The following CYB5R4 variants were observed in gnomAD, a reference collection of about 807,000 sequenced individuals.
CYB5R4 encodes N-terminal cytochrome b5 and cytochrome b5 oxidoreductase domain-containing protein.
Under a neutral mutation model 70.2 loss-of-function variants are expected in CYB5R4, and 55 were observed. That is an observed-to-expected ratio of 0.78 (90% CI 0.63 to 0.98). The LOEUF (loss-of-function observed/expected upper bound fraction) is 0.98, where lower values mean the gene tolerates loss of function less well. Ranked by LOEUF, CYB5R4 falls within the 50% of genes least tolerant of loss-of-function variation. The pLI, the probability that CYB5R4 is intolerant of heterozygous loss-of-function variation, is 0.00. For synonymous variants in CYB5R4, 197 were observed against 199.5 expected, an observed-to-expected ratio of 0.99 and a Z score of 0.11; for missense variants, 562 against 612.6, an observed-to-expected ratio of 0.92 and a Z score of 0.87.
chr6:83,898,645 A>G (rs2099462337), intron 3 of CYB5R4, among the ~76,000 whole-genome samples: 1 of 152,168 alleles, frequency 6.6e-6, no homozygotes, highest in African/African-American at 2.4e-5. Flanking sequence ...TGCGTTGAGC[A>G]GTGGTTTGTA....
chr6:83,944,065 A>G (rs753171584), intron 14 of CYB5R4, among the ~76,000 whole-genome samples: 7 of 152,188 alleles, frequency 4.6e-5, no homozygotes, highest in Non-Finnish European at 8.8e-5. Flanking sequence ...GCCAACATTC[A>G]ACTTCAGGAA....
At chr6:83,900,565 G>A (rs866165556) in intron 3 of CYB5R4, among the ~76,000 whole-genome samples, 2 of 151,724 alleles carry the variant, frequency 1.3e-5, no homozygotes, top group Middle Eastern at 3.4e-3. Context: ...TTGACAGTAG[G>A]GTGTTAAAGT....
At chr6:83,872,097 ACT>A (rs1307067035) in intron 2 of CYB5R4, among the ~76,000 whole-genome samples, 3 of 151,692 alleles carry the variant, frequency 2.0e-5, no homozygotes, top group Non-Finnish European at 4.4e-5. Context: ...GTCTGCAGTA[ACT>A]CTCATTATAT....
chr6:83,879,649 A>G (rs1476831329), intron 2 of CYB5R4, among the ~76,000 whole-genome samples: 1 of 151,960 alleles, frequency 6.6e-6, no homozygotes, highest in Non-Finnish European at 1.5e-5. Flanking sequence ...CTCTTGCACT[A>G]CCCTCTAATC....
intron 2 of CYB5R4, among the ~76,000 whole-genome samples, chr6:83,883,213 A>G (rs948911929): frequency 1.3e-5 from 2 of 152,184 alleles, no homozygotes; most frequent in Admixed American, 1.3e-4. Flanking sequence ...AATAAAATGA[A>G]CAGGGACTCA....
chr6:83,865,244 A>G (rs570959833), intron 2 of CYB5R4, among the ~76,000 whole-genome samples: 81 of 152,302 alleles, frequency 5.3e-4, no homozygotes, highest in South Asian at 4.6e-3. Flanking sequence ...AAGTATGGTC[A>G]CTTAAAGAGG....
Position 83,940,624 on chromosome 6 carries a change from G to C in CYB5R4, c.1346+23G>C, listed in dbSNP as rs201073189. On this transcript the variant is annotated intron_variant, in intron 14 of 15. Transcript: ENST00000369681. ...AAGGTATTAAACTGATATTAGCTCT[G>C]CGTTTAGTTATTTATACCTGGGTAG... The C allele has an allele frequency of 1.6e-5, 26 of 1,583,614 alleles. No homozygotes were observed. The South Asian group carries it at 2.9e-4, about 18-fold the overall frequency.
intron 10 of CYB5R4, among the ~76,000 whole-genome samples, chr6:83,929,202 C>G (rs1179037378): frequency 6.6e-6 from 1 of 152,132 alleles, no homozygotes; most frequent in Non-Finnish European, 1.5e-5. Flanking sequence ...ATGCTTACAT[C>G]AGCAAAGTAT....
Position 83,861,109 on chromosome 6 carries a change from T to C in CYB5R4, c.75+1252T>C, listed in dbSNP as rs2099455861. ...TGAATAACAGTCTTTCCAGAAAGAATCTCTGAATTAGAATATGAGTTACTG... is the reference window on the plus strand; with the variant it reads ...TGAATAACAGTCTTTCCAGAAAGAACCTCTGAATTAGAATATGAGTTACTG... On this transcript the variant is annotated intron_variant, in intron 1 of 15. Coordinates refer to ENST00000369681, the MANE Select transcript of CYB5R4 (RefSeq NM_016230.4). Among the ~76,000 whole-genome samples the C allele has an allele frequency of 2.0e-5, 3 of 152,212 alleles. 1 individual carries two copies. The South Asian group carries it at 6.2e-4, about 31-fold the overall frequency.
chr6:83,874,022 G>A (rs1446662301), intron 2 of CYB5R4, among the ~76,000 whole-genome samples: 1 of 151,992 alleles, frequency 6.6e-6, no homozygotes. Flanking sequence ...GTGAATATAA[G>A]GAACTTGAAG....
At chr6:83,934,836 A>T in intron 11 of CYB5R4, 101 bp downstream of exon 11, 1 of 1,110,610 alleles carries the variant, frequency 9.0e-7, no homozygotes. Context: ...TTATTAATAA[A>T]TGTTTCCAGG....
rs193086359 is a variant in CYB5R4, at chr6:83,905,838, T to G, written c.331-3171T>G. Among the ~76,000 whole-genome samples, 339 of 152,116 alleles carry G rather than the reference T, an allele frequency of 2.2e-3. 3 individuals carry two copies. Among genetic ancestry groups the G allele is most frequent in the African/African-American group, 7.7e-3 (320 of 41,484 alleles). On this transcript the variant is annotated intron_variant, in intron 3 of 15. Transcript: ENST00000369681. The stretch of plus-strand genomic sequence containing the variant: ...CCCAGGTGGTACACGCTTATGTTGG[T>G]GGAGGCTGTTATGGGCTGCGCAGGC...
Position 83,963,624 on chromosome 6 carries a change from A to T in CYB5R4, c.*3746A>T, listed in dbSNP as rs568181309. On this transcript the variant is annotated 3_prime_UTR_variant, in exon 16 of 16. Coordinates refer to ENST00000369681, the MANE Select transcript of CYB5R4 (RefSeq NM_016230.4). ...AGCAGACCTCAAAACAGAATGCCAA[A>T]GTGATCTTAAAATTCAAAAATGAGT... 3.3e-5 allele frequency: 5 copies of T among 152,352 alleles called. No individual in the cohort carries two copies. The highest frequency in any genetic ancestry group is 1.2e-4 in the African/African-American group (5 of 41,584). 9.4% of individuals were successfully genotyped at this position (152,352 alleles called of 1,614,324 possible).
chr6:83,868,899 A>G (rs899507009), intron 2 of CYB5R4, among the ~76,000 whole-genome samples: 1 of 152,220 alleles, frequency 6.6e-6, no homozygotes, highest in African/African-American at 2.4e-5. Context: ...AGTGAGGGTA[A>G]GGGAAGTGTG....
At chr6:83,878,984 T>C (rs1004771506) in intron 2 of CYB5R4, among the ~76,000 whole-genome samples, 19 of 152,206 alleles carry the variant, frequency 1.2e-4, no homozygotes, top group African/African-American at 4.6e-4. Flanking sequence ...CCATTGCTCT[T>C]CCCCCTCTCC....
intron 2 of CYB5R4, among the ~76,000 whole-genome samples, chr6:83,871,280 G>A (rs1465710184): frequency 6.6e-6 from 1 of 151,956 alleles, no homozygotes; most frequent in Non-Finnish European, 1.5e-5. Flanking sequence ...CACCTGGCCT[G>A]TTCATTGAAT....
intron 14 of CYB5R4, among the ~76,000 whole-genome samples, chr6:83,948,119 C>G (rs1234688183): frequency 2.0e-5 from 3 of 152,118 alleles, no homozygotes; most frequent in African/African-American, 7.2e-5. Flanking sequence ...TGGAACCAAC[C>G]TAAATGTCCA....
intron 2 of CYB5R4, among the ~76,000 whole-genome samples, chr6:83,868,159 TATC>T (rs1256646757): frequency 6.6e-6 from 1 of 151,992 alleles, no homozygotes; most frequent in Non-Finnish European, 1.5e-5. Flanking sequence ...GGAAGCATGG[TATC>T]ATAGTGCCTT....
intron 3 of CYB5R4, among the ~76,000 whole-genome samples, chr6:83,904,679 T>C (rs1391419412): frequency 6.6e-6 from 1 of 152,214 alleles, no homozygotes; most frequent in Non-Finnish European, 1.5e-5. Context: ...TTAGATCAAA[T>C]AATACTTTGC....
Sources: allele counts gnomAD v4.1 joint callset (sites outside exome capture counted in the v4.1 genomes callset), GRCh38; gene constraint gnomAD v4.1.1; transcripts MANE v1.5; gene names NCBI Gene and HGNC (gene_info 2026-07-23, HGNC 2026-07-21).